PCDHGA1: variants seen among roughly 807,000 people sequenced by gnomAD.
PCDHGA1 encodes the protein protocadherin gamma-A1.
Under a neutral mutation model 58.0 loss-of-function variants are expected in PCDHGA1, and 32 were observed. The observed-to-expected ratio is 0.55, with a 90% CI of 0.42 to 0.74. PCDHGA1 has a LOEUF of 0.74. Among genes scored for constraint, PCDHGA1 ranks in the 30% least tolerant of loss-of-function variants. The probability of loss-of-function intolerance (pLI) is 0.00; values close to 1 mark genes in which losing one functional copy is unlikely to be tolerated. For synonymous variants in PCDHGA1, 498 were observed against 501.1 expected, an observed-to-expected ratio of 0.99 and a Z score of 0.08; for missense variants, 1,205 against 1,182.3, an observed-to-expected ratio of 1.02 and a Z score of -0.28.
chr5:141,491,646 G>T lies in PCDHGA1; in HGVS notation c.2422-3161G>T. On this transcript the variant is annotated intron_variant, in intron 1 of 3. Transcript: ENST00000517417. The surrounding 1 kb of genome is among the most constrained non-coding windows in gnomAD (Gnocchi z 6.9). ...GCGTTCAGCAGCCCACAGCTCTGGC[G>T]CTGGAGCCTGACGCCATCCGGTCCC... is the stretch of plus-strand genomic sequence containing the variant. 1 of 1,613,872 alleles carries T rather than the reference G, an allele frequency of 6.2e-7. No individual in the cohort carries two copies. The highest frequency in any genetic ancestry group is 8.5e-7 in the Non-Finnish European group (1 of 1,180,030).
At chr5:141,394,400 G>A (rs747087099) in intron 1 of PCDHGA1, 2 of 1,614,246 alleles carry the variant, frequency 1.2e-6, no homozygotes, top group South Asian at 2.2e-5. Flanking sequence ...GAGACCTGCA[G>A]CTACTGGTAA....
chr5:141,352,816 C>T, intron 1 of PCDHGA1: 1 of 816,734 alleles, frequency 1.2e-6, no homozygotes, highest in Non-Finnish European at 1.9e-6. Flanking sequence ...ATGGTAAAAC[C>T]CGGTCTACTA....
intron 1 of PCDHGA1, chr5:141,339,390 T>G: frequency 6.2e-7 from 1 of 1,614,180 alleles, no homozygotes; most frequent in Non-Finnish European, 8.5e-7. Context: ...GAACTGGAGC[T>G]AAAAATCAGT....
intron 1 of PCDHGA1, chr5:141,398,640 ACT>A (rs2093681875): frequency 1.9e-6 from 3 of 1,613,828 alleles, no homozygotes; most frequent in Non-Finnish European, 2.5e-6. Flanking sequence ...AGAAGTATAA[ACT>A]CTCTCTTAAC....
intron 1 of PCDHGA1, among the ~76,000 whole-genome samples, chr5:141,445,007 G>T (rs771023003): frequency 1.3e-5 from 2 of 151,994 alleles, no homozygotes; most frequent in African/African-American, 4.8e-5. Flanking sequence ...ATTTAATTAG[G>T]TCTTTAATTT....
intron 2 of PCDHGA1, among the ~76,000 whole-genome samples, chr5:141,498,309 G>A (rs2099783046): frequency 6.6e-6 from 1 of 151,844 alleles, no homozygotes; most frequent in Non-Finnish European, 1.5e-5. Flanking sequence ...GGGTCACACT[G>A]CCTACACAGA....
At chr5:141,437,944 G>A (rs576107104) in intron 1 of PCDHGA1, among the ~76,000 whole-genome samples, 1 of 152,178 alleles carries the variant, frequency 6.6e-6, no homozygotes, top group South Asian at 2.1e-4. Flanking sequence ...CACCATATTG[G>A]CCAGAATGGT....
At chr5:141,482,089 C>CA (rs36035257) in intron 1 of PCDHGA1, among the ~76,000 whole-genome samples, 13,509 of 134,292 alleles carry the variant, frequency 0.1, 910 homozygotes, top group African/African-American at 0.2. Context: ...CACTCCATCT[C>CA]AAAAAAAAAA....
chr5:141,475,542 G>A (rs1182059354), intron 1 of PCDHGA1, among the ~76,000 whole-genome samples: 1 of 152,174 alleles, frequency 6.6e-6, no homozygotes, highest in East Asian at 1.9e-4. Flanking sequence ...TTACAAGTAG[G>A]GTCCGGCTAA....
intron 3 of PCDHGA1, 59 bp from the exon 4 acceptor site, chr5:141,510,888 A>C (rs2099883233): frequency 6.2e-7 from 1 of 1,612,646 alleles, no homozygotes. Flanking sequence ...GGGATATAAG[A>C]CAGTGACTGT....
intron 1 of PCDHGA1, among the ~76,000 whole-genome samples, chr5:141,480,151 C>T (rs543997143): frequency 1.3e-5 from 2 of 152,162 alleles, no homozygotes; most frequent in African/African-American, 4.8e-5. Context: ...TTAGCCAGCT[C>T]CTAGCATTTT....
Position 141,339,332 on chromosome 5 carries a change from G to C in PCDHGA1, c.2421+6227G>C, listed in dbSNP as rs376174322. ...TAAATTGACTATTTATTCAGTAGAG[G>C]TGGAAATAACAGATATTAACGATAA... On this transcript the variant is annotated intron_variant, in intron 1 of 3. Coordinates refer to ENST00000517417, the MANE Select transcript of PCDHGA1 (RefSeq NM_018912.3). 1.2e-6 allele frequency: 2 copies of C among 1,614,262 alleles called. No individual in the cohort carries two copies. The highest frequency in any genetic ancestry group is 2.2e-5 in the East Asian group (1 of 44,884).
At chr5:141,468,409 A>G (rs183146641) in intron 1 of PCDHGA1, 1 of 152,230 alleles carries the variant, frequency 6.6e-6, no homozygotes, top group East Asian at 1.9e-4. Flanking sequence ...AACTAATAAT[A>G]AGTTAGATAG....
At chr5:141,409,988 G>GC (rs1561724887) in intron 1 of PCDHGA1, 1 of 1,613,278 alleles carries the variant, frequency 6.2e-7, no homozygotes, top group Non-Finnish European at 8.5e-7. Flanking sequence ...AGCGGTGGAC[G>GC]CCGACTCGGG....
chr5:141,432,452 C>G lies in PCDHGA1; in HGVS notation c.2422-62355C>G. The G allele has an allele frequency of 6.2e-7, 1 of 1,614,212 alleles. No individual in the cohort carries two copies. The highest frequency in any genetic ancestry group is 8.5e-7 in the Non-Finnish European group (1 of 1,180,042). On this transcript the variant is annotated intron_variant, in intron 1 of 3. Coordinates refer to ENST00000517417, the MANE Select transcript of PCDHGA1 (RefSeq NM_018912.3). The surrounding 1 kb of genome is among the most constrained non-coding windows in gnomAD (Gnocchi z 6.0). ...CGACAATGCGCCCGAGATCCTGTACCCCGCCCTCCCCACGGACGGTTCCAC... is the reference window on the plus strand; with the variant it reads ...CGACAATGCGCCCGAGATCCTGTACGCCGCCCTCCCCACGGACGGTTCCAC...
chr5:141,501,299 AC>A (rs1446641380), intron 2 of PCDHGA1, among the ~76,000 whole-genome samples: 1 of 149,208 alleles, frequency 6.7e-6, no homozygotes, highest in African/African-American at 2.5e-5. Flanking sequence ...ATACACACAC[AC>A]ACACACACAC....
chr5:141,436,287 T>A (rs565612572), intron 1 of PCDHGA1, among the ~76,000 whole-genome samples: 1 of 152,262 alleles, frequency 6.6e-6, no homozygotes, highest in Admixed American at 6.5e-5. Context: ...TAGGAACAAA[T>A]CATTGAGAGT....
At chr5:141,400,856 A>G (rs1026499885) in intron 1 of PCDHGA1, among the ~76,000 whole-genome samples, 6 of 152,192 alleles carry the variant, frequency 3.9e-5, no homozygotes, top group Non-Finnish European at 8.8e-5. Context: ...ATTTTATTGT[A>G]TGTAGATAAA....
In PCDHGA1 at chr5:141,333,245, A is replaced by G. The variant is rs182019371; in HGVS notation, c.2421+140A>G. The G allele has an allele frequency of 1.3e-5, 16 of 1,247,724 alleles. No homozygotes were observed. In the African/African-American group the frequency reaches 2.1e-4, roughly 16 times the overall value. 77.3% of individuals were successfully genotyped at this position (1,247,724 alleles called of 1,614,324 possible). A position where few individuals can be genotyped will look rare whatever the true frequency, so the allele number is the denominator to read the frequency against. On this transcript the variant is annotated intron_variant, in intron 1 of 3. Transcript: ENST00000517417. ...TTTTTATTACAAGTCCTGCAAAATC[A>G]CGATTGAGTCTACACGTTCATATGC... is the stretch of plus-strand genomic sequence containing the variant.
Sources: allele counts gnomAD v4.1 joint callset (sites outside exome capture counted in the v4.1 genomes callset), GRCh38; gene constraint gnomAD v4.1.1; non-coding constraint Gnocchi (gnomAD v3.1); transcripts MANE v1.5; gene names NCBI Gene and HGNC (gene_info 2026-07-23, HGNC 2026-07-21).